The following ZNF670 variants were observed in gnomAD, a reference collection of about 807,000 sequenced individuals.
The protein encoded by ZNF670 is zinc finger protein 670.
Under a neutral mutation model 10.9 loss-of-function variants are expected in ZNF670, and 7 were observed. The ratio of observed to expected loss-of-function variants is 0.64; its 90% CI spans 0.36 to 1.20. The LOEUF (loss-of-function observed/expected upper bound fraction) is 1.20. Among genes scored for constraint, ZNF670 ranks in the 50% most tolerant of loss-of-function variants. The probability of loss-of-function intolerance (pLI) is 0.02; values close to 1 mark genes in which losing one functional copy is unlikely to be tolerated. For missense variants in ZNF670, 446 were observed against 458.6 expected (o/e 0.97, Z 0.25); for synonymous variants, 136 against 152.7 (o/e 0.89, Z 0.81).
chr1:247,068,099 C>T (rs1290391335), intron 1 of ZNF670, among the ~76,000 whole-genome samples: 1 of 150,428 alleles, frequency 6.6e-6, no homozygotes, highest in Non-Finnish European at 1.5e-5. Context: ...CAGTAGATCA[C>T]TTGAGCTCAG....
At chr1:247,060,350 C>T (rs1670828354) in intron 1 of ZNF670, among the ~76,000 whole-genome samples, 1 of 152,036 alleles carries the variant, frequency 6.6e-6, no homozygotes, top group African/African-American at 2.4e-5. Flanking sequence ...CACAAAAGAC[C>T]AAAGGAAATT....
chr1:247,049,731 T>A (rs1166346989), intron 1 of ZNF670, among the ~76,000 whole-genome samples: 1 of 152,240 alleles, frequency 6.6e-6, no homozygotes, highest in Non-Finnish European at 1.5e-5. Context: ...CTACTATCAT[T>A]CTGTTCAAAA....
chr1:247,039,435 T>C lies in ZNF670; in HGVS notation c.106A>G (p.Ile36Val), dbSNP rs772040335. 6.2e-7 allele frequency: 1 copy of C among 1,604,224 alleles called. No individual in the cohort carries two copies. Among genetic ancestry groups the C allele is most frequent in the South Asian group, 1.1e-5 (1 of 89,482 alleles). The change falls in exon 2 of 4, where the codon ATC becomes GTC. Residue 36 changes from isoleucine to valine, a missense_variant. Coordinates refer to ENST00000366503, the MANE Select transcript of ZNF670 (RefSeq NM_033213.5). ...CCTACAGAAGCCAGGTTCCTGAAGA[T>C]TTCTTGCATCACATCTCTGTAGAGA... ...KNLYRDVMQE[I>V]FRNLASVGNK...
At chr1:247,061,532 G>GA (rs1268218374) in intron 1 of ZNF670, among the ~76,000 whole-genome samples, 2 of 151,874 alleles carry the variant, frequency 1.3e-5, no homozygotes, top group African/African-American at 4.8e-5. Context: ...AATAATAATA[G>GA]AAAAAACTAT....
intron 3 of ZNF670, 47 bp downstream of exon 3, chr1:247,038,763 C>T (rs542331474): frequency 4.0e-6 from 6 of 1,504,242 alleles, no homozygotes; most frequent in African/African-American, 1.4e-5. Flanking sequence ...TTATGACATG[C>T]TAAGATTCCC....
At chr1:247,055,890 A>G (rs1322052723) in intron 1 of ZNF670, among the ~76,000 whole-genome samples, 1 of 152,220 alleles carries the variant, frequency 6.6e-6, no homozygotes, top group Non-Finnish European at 1.5e-5. Flanking sequence ...TAAATTTCAA[A>G]CAAAAACTAT....
intron 1 of ZNF670, among the ~76,000 whole-genome samples, chr1:247,076,287 T>C (rs897192493): frequency 4.0e-5 from 6 of 151,750 alleles, no homozygotes; most frequent in African/African-American, 1.2e-4. Flanking sequence ...GACGGAGTCT[T>C]GCTCTGTCAC....
At position 247,035,518 on chromosome 1, in the gene ZNF670, A is replaced by AT. The variant is rs1670128957; in HGVS notation, c.*1930dup. ...CTGAAATATGTTAGGCTACAGACTG[A>AT]TAAGATCAAAATAGTATGTTATAAT... is the stretch of plus-strand genomic sequence containing the variant. On this transcript the variant is annotated 3_prime_UTR_variant, in exon 4 of 4. Transcript: ENST00000366503. Among the ~76,000 whole-genome samples, 1 of 152,218 alleles carries AT rather than the reference A, an allele frequency of 6.6e-6. No individual in the cohort carries two copies. The highest frequency in any genetic ancestry group is 2.4e-5 in the African/African-American group (1 of 41,460).
At chr1:247,076,314 T>C (rs1223890669) in intron 1 of ZNF670, among the ~76,000 whole-genome samples, 8 of 151,684 alleles carry the variant, frequency 5.3e-5, no homozygotes, top group Non-Finnish European at 1.2e-4. Flanking sequence ...TGGAGTGCAG[T>C]GGCGTGATCT....
At chr1:247,056,435 A>C (rs1278084455) in intron 1 of ZNF670, among the ~76,000 whole-genome samples, 1 of 152,248 alleles carries the variant, frequency 6.6e-6, no homozygotes, top group African/African-American at 2.4e-5. Context: ...TGAGTCATGA[A>C]GAAATTTAAA....
At chr1:247,040,218 T>A (rs1173383561) in intron 1 of ZNF670, among the ~76,000 whole-genome samples, 1 of 152,222 alleles carries the variant, frequency 6.6e-6, no homozygotes, top group African/African-American at 2.4e-5. Context: ...AAATGAGGCA[T>A]CAACGTGATT....
chr1:247,072,802 G>GTGTA (rs1306133742), intron 1 of ZNF670, among the ~76,000 whole-genome samples: 4 of 21,794 alleles, frequency 1.8e-4, no homozygotes, highest in Non-Finnish European at 3.2e-4. Context: ...AAAAAAGTGT[G>GTGTA]TGTATATATA....
At position 247,064,749 on chromosome 1, in the gene ZNF670, G is replaced by T. The variant is rs1670943798; in HGVS notation, c.3+13845C>A. On this transcript the variant is annotated intron_variant, in intron 1 of 3. Coordinates refer to ENST00000366503, the MANE Select transcript of ZNF670 (RefSeq NM_033213.5). ...GGGACGAGGCTGTTGGCCCCAGGAT[G>T]AAAGCTACCTCACTCTCTCTCAGTC... Among the ~76,000 whole-genome samples, 3 of 152,202 alleles carry T rather than the reference G, an allele frequency of 2.0e-5. No homozygotes were observed. The South Asian group carries it at 6.2e-4, about 32-fold the overall frequency.
chr1:247,063,919 C>G (rs1325861778), intron 1 of ZNF670, among the ~76,000 whole-genome samples: 4 of 152,338 alleles, frequency 2.6e-5, no homozygotes, highest in African/African-American at 9.6e-5. Context: ...GACAGGATGC[C>G]TGGGATCCCA....
At chr1:247,055,262 T>G (rs1179346574) in intron 1 of ZNF670, among the ~76,000 whole-genome samples, 2 of 152,254 alleles carry the variant, frequency 1.3e-5, no homozygotes, top group Non-Finnish European at 2.9e-5. Context: ...TTCCTTTCCT[T>G]TTTTAGACAC....
intron 1 of ZNF670, among the ~76,000 whole-genome samples, chr1:247,057,804 T>C (rs59727901): frequency 0.012 from 1,898 of 152,000 alleles, 44 homozygotes; most frequent in African/African-American, 0.042. Flanking sequence ...CTTATGGAGA[T>C]AGAAAGTAGA....
intron 1 of ZNF670, among the ~76,000 whole-genome samples, chr1:247,045,142 G>C (rs1182935737): frequency 6.6e-6 from 1 of 152,180 alleles, no homozygotes; most frequent in Non-Finnish European, 1.5e-5. Flanking sequence ...AATCCTCTAA[G>C]AGTAGCAGTA....
intron 1 of ZNF670, among the ~76,000 whole-genome samples, chr1:247,074,161 C>T (rs1240416252): frequency 1.3e-5 from 2 of 152,104 alleles, no homozygotes; most frequent in South Asian, 4.1e-4. Flanking sequence ...AAACAGACAG[C>T]GTAATTTTTT....
At chr1:247,044,623 G>C (rs1670396490) in intron 1 of ZNF670, among the ~76,000 whole-genome samples, 2 of 152,176 alleles carry the variant, frequency 1.3e-5, no homozygotes, top group Admixed American at 1.3e-4. Context: ...ATACTATGCA[G>C]CTATAAGAAA....
Sources: gnomAD v4.1 joint callset for allele counts (sites outside exome capture counted in the v4.1 genomes callset) on GRCh38, gnomAD v4.1.1 for gene constraint, MANE v1.5 for transcripts, NCBI Gene and HGNC (gene_info 2026-07-23, HGNC 2026-07-21) for gene names.